The following LONRF2 variants were observed in gnomAD, a reference collection of about 807,000 sequenced individuals.
LONRF2 encodes LON peptidase N-terminal domain and ring finger 2, also known as LON peptidase N-terminal domain and RING finger protein 2.
In LONRF2, 35 loss-of-function variants were observed where a neutral mutation model predicts 66.6. That is an observed-to-expected ratio of 0.53 (90% CI 0.40 to 0.70). The LOEUF (loss-of-function observed/expected upper bound fraction) is 0.70. Among genes scored for constraint, LONRF2 ranks in the 30% least tolerant of loss-of-function variants. The pLI is 0.00. For missense variants in LONRF2, 902 were observed against 1,002.1 expected (o/e 0.90, Z 1.35); for synonymous variants, 417 against 418.1 (o/e 1.00, Z 0.03).
intron 1 of LONRF2, chr2:100,309,556 C>A: frequency 6.2e-6 from 1 of 162,350 alleles, no homozygotes; most frequent in East Asian, 1.7e-4. Context: ...ATAAATTCAG[C>A]AACTGCTGAA....
chr2:100,290,165 A>G, intron 10 of LONRF2, 93 bp downstream of exon 10: 1 of 1,180,936 alleles, frequency 8.5e-7, no homozygotes. Flanking sequence ...CTTAAGTAAT[A>G]TTGTCAGTAC....
intron 1 of LONRF2, among the ~76,000 whole-genome samples, chr2:100,310,341 T>C (rs1265218674): frequency 1.3e-5 from 2 of 152,352 alleles, no homozygotes; most frequent in East Asian, 3.9e-4. Flanking sequence ...CTATGCATTT[T>C]AGTTCAACCA....
chr2:100,321,528 T>G lies in LONRF2; in HGVS notation c.566A>C (p.Lys189Thr), dbSNP rs769285259. The G allele has an allele frequency of 6.4e-7, 1 of 1,552,132 alleles. No individual in the cohort carries two copies. Among genetic ancestry groups the G allele is most frequent in the Non-Finnish European group, 8.6e-7 (1 of 1,161,176 alleles). The change falls in exon 1 of 12, where the codon AAG becomes ACG. Residue 189 changes from lysine (K) to threonine (T), a missense_variant. Physicochemically the swap from Lys to Thr is moderately conservative, Grantham distance 78. Coordinates refer to ENST00000393437, the MANE Select transcript of LONRF2 (RefSeq NM_198461.4). The part of the protein sequence containing the change: ...VNVVLSGLLE[K>T]CFPAECRLRR... ...CAGCCGGCACTCGGCCGGGAAGCAC[T>G]TCTCCAGCAGGCCGCTCAGCACCAC...
At position 100,286,969 on chromosome 2, in the gene LONRF2, T is replaced by C; in HGVS notation, c.2015A>G (p.Lys672Arg). 1.2e-6 allele frequency: 2 copies of C among 1,614,174 alleles called. No individual in the cohort carries two copies. The highest frequency in any genetic ancestry group is 1.7e-6 in the Non-Finnish European group (2 of 1,180,020). Reference protein sequence around the residue: ...SWFASLQDRMKEQILSHFGVM... With the variant: ...SWFASLQDRMREQILSHFGVM... ...CCCAAAATGACTTAAAATTTGTTCT[T>C]TCATGCGATCCTGGAGAGACGCGAA... The change falls in exon 11 of 12, where the codon AAA (lysine) becomes AGA (arginine). Residue 672 changes from lysine to arginine, a missense_variant. Coordinates refer to ENST00000393437, the MANE Select transcript of LONRF2 (RefSeq NM_198461.4).
chr2:100,299,453 G>C lies in LONRF2; in HGVS notation c.1268-134C>G, dbSNP rs112819273. ...ATCACACTGGGCAGAAATAGTTCCT[G>C]CCCAGTTAACAGCATACAGCAATAA... On this transcript the variant is annotated intron_variant, in intron 5 of 11. Transcript: ENST00000393437. 2.8e-3 allele frequency: 1,714 copies of C among 611,278 alleles called. 21 individuals are homozygous for C. The African/African-American group carries it at 0.029, about 11-fold the overall frequency. 37.9% of individuals were successfully genotyped at this position (611,278 alleles called of 1,614,324 possible).
Position 100,321,489 on chromosome 2 carries a change from C to A in LONRF2, c.605G>T (p.Gly202Val). ...CTGGCGCTGCAGGCTCCGCGCCTGGCCTGCCAGCCTGCGCAGCCGGCACTC... is the reference window on the plus strand; with the variant it reads ...CTGGCGCTGCAGGCTCCGCGCCTGGACTGCCAGCCTGCGCAGCCGGCACTC... Reference protein sequence around the residue: ...PAECRLRRLAGQARSLQRQQQ... With the variant: ...PAECRLRRLAVQARSLQRQQQ... Residue 202 changes from glycine to valine, a missense_variant, in exon 1 of 12, where the codon GGC (glycine) becomes GTC (valine). Around this residue, in one of 2 missense-constraint regions of LONRF2, gnomAD observed 585 missense variants for 569.9 expected, o/e 1.03. Coordinates refer to ENST00000393437, the MANE Select transcript of LONRF2 (RefSeq NM_198461.4). The A allele has an allele frequency of 6.5e-7, 1 of 1,528,546 alleles. No homozygotes were observed. Among genetic ancestry groups the A allele is most frequent in the Non-Finnish European group, 8.7e-7 (1 of 1,150,062 alleles). 94.7% of individuals were successfully genotyped at this position (1,528,546 alleles called of 1,614,324 possible).
At chr2:100,311,163 C>T (rs1482050971) in intron 1 of LONRF2, among the ~76,000 whole-genome samples, 1 of 152,148 alleles carries the variant, frequency 6.6e-6, no homozygotes, top group African/African-American at 2.4e-5. Context: ...CTCACGGTAT[C>T]TGCCTTTTTA....
chr2:100,287,326 T>C (rs948469022), intron 10 of LONRF2, among the ~76,000 whole-genome samples: 2 of 152,256 alleles, frequency 1.3e-5, no homozygotes, highest in African/African-American at 2.4e-5. Flanking sequence ...AATGGCTGCA[T>C]GCAATTATAT....
At position 100,302,973 on chromosome 2, in the gene LONRF2, T is replaced by C. The variant is rs534568351; in HGVS notation, c.869A>G (p.Tyr290Cys). 14 of 1,612,242 alleles carry C rather than the reference T, an allele frequency of 8.7e-6. No homozygotes were observed. The African/African-American group carries it at 1.7e-4, about 20-fold the overall frequency. ...RSKEVLKEFL[Y>C]CLALNPECNS... The stretch of plus-strand genomic sequence containing the variant: ...ACATTCAGGATTCAGAGCAAGGCAG[T>C]AGAGAAATTCCTTTAACACTTCCTT... Residue 290 changes from tyrosine to cysteine, a missense_variant, in exon 3 of 12, where the codon TAC becomes TGC. Around this residue, in one of 2 missense-constraint regions of LONRF2, gnomAD observed 585 missense variants for 569.9 expected, o/e 1.03. Transcript: ENST00000393437.
At position 100,321,928 on chromosome 2, in the gene LONRF2, G is replaced by T; in HGVS notation, c.166C>A (p.Pro56Thr). 7.2e-7 allele frequency: 1 copy of T among 1,388,210 alleles called. No homozygotes were observed. Among genetic ancestry groups the T allele is most frequent in the Non-Finnish European group, 9.4e-7 (1 of 1,068,374 alleles). 86.0% of individuals were successfully genotyped at this position (1,388,210 alleles called of 1,614,324 possible). A position where few individuals can be genotyped will look rare whatever the true frequency, so the allele number is the denominator to read the frequency against. ...AGCCTCAGGCACAGGCCGCGGTCCG[G>T]CTGCGCCAGCCCGGCTAGCATGGAG... ...FRSMLAGLAQ[P>T]DRGLCLRLGD... is the part of the protein sequence containing the mutation. The change falls in exon 1 of 12, where the codon CCG (proline) becomes ACG (threonine). Residue 56 changes from proline to threonine, a missense_variant. Around this residue, in one of 2 missense-constraint regions of LONRF2, gnomAD observed 585 missense variants for 569.9 expected, o/e 1.03. Coordinates refer to ENST00000393437, the MANE Select transcript of LONRF2 (RefSeq NM_198461.4).
intron 1 of LONRF2, among the ~76,000 whole-genome samples, chr2:100,318,907 G>A (rs139596712): frequency 0.016 from 2,460 of 151,540 alleles, 19 homozygotes; most frequent in African/African-American, 0.029. Flanking sequence ...TGAGGCGGGC[G>A]GATCACAAGG....
At position 100,284,264 on chromosome 2, in the gene LONRF2, C is replaced by T; in HGVS notation, c.*34G>A. ...TCCATGCCTGACATTTATAAAAGCACAAGGGCTGCCAGAAACCTTGACAGA... is the reference window on the plus strand; with the variant it reads ...TCCATGCCTGACATTTATAAAAGCATAAGGGCTGCCAGAAACCTTGACAGA... On this transcript the variant is annotated 3_prime_UTR_variant, in exon 12 of 12. Coordinates refer to ENST00000393437, the MANE Select transcript of LONRF2 (RefSeq NM_198461.4). 6.8e-7 allele frequency: 1 copy of T among 1,465,428 alleles called. No individual in the cohort carries two copies. Among genetic ancestry groups the T allele is most frequent in the South Asian group, 1.4e-5 (1 of 70,514 alleles). The allele number at this position is 1,465,428 out of a possible 1,614,324, so 90.8% of individuals were successfully genotyped here.
rs533475806 is a variant in LONRF2, at chr2:100,290,098, C to T, written c.1920+160G>A. 4.1e-5 allele frequency among the ~76,000 whole-genome samples: 6 copies of T among 146,716 alleles called. No individual in the cohort carries two copies. In the East Asian group the frequency reaches 8.1e-4, roughly 20 times the overall value. ...CTCTAGCCTGCACGACAGAACAAGA[C>T]CTTGACTCAAAAATAAACAAATAGA... On this transcript the variant is annotated intron_variant, in intron 10 of 11. Transcript: ENST00000393437.
In LONRF2 at chr2:100,321,529, T is replaced by G; in HGVS notation, c.565A>C (p.Lys189Gln). ...VNVVLSGLLEKCFPAECRLRR... is the reference protein window; with the variant it reads ...VNVVLSGLLEQCFPAECRLRR... ...AGCCGGCACTCGGCCGGGAAGCACT[T>G]CTCCAGCAGGCCGCTCAGCACCACG... Residue 189 changes from lysine to glutamine, a missense_variant, in exon 1 of 12, where the codon AAG becomes CAG. Physicochemically the swap from Lys to Gln is moderately conservative, Grantham distance 53. Transcript: ENST00000393437. The G allele has an allele frequency of 6.4e-7, 1 of 1,552,098 alleles. No homozygotes were observed. Among genetic ancestry groups the G allele is most frequent in the Non-Finnish European group, 8.6e-7 (1 of 1,161,128 alleles).
chr2:100,273,853 T>C lies in LONRF2; in HGVS notation c.*10445A>G, dbSNP rs1674544419. ...CTAATGACACCACTCTCCACTAGCA[T>C]GAAAGAACAATATATGAATAGAGTA... On this transcript the variant is annotated 3_prime_UTR_variant, in exon 12 of 12. Transcript: ENST00000393437. 6.6e-6 allele frequency: 1 copy of C among 152,176 alleles called. No individual in the cohort carries two copies. Among genetic ancestry groups the C allele is most frequent in the Non-Finnish European group, 1.5e-5 (1 of 68,022 alleles). The allele number at this position is 152,176 out of a possible 1,614,324, so 9.4% of individuals were successfully genotyped here. A position where few individuals can be genotyped will look rare whatever the true frequency, so the allele number is the denominator to read the frequency against.
rs199976392 is a variant in LONRF2, at chr2:100,299,270, C to T, written c.1317G>A (p.Gly439=). The change falls in exon 6 of 12, where the codon GGG becomes GGA. Residue 439 remains glycine (G), a synonymous_variant. Transcript: ENST00000393437. ...SPNSETEESQ[G]LSLDVTDFEC... Reference sequence around the variant, plus strand: ...CAAAGTCAGTTACATCAAGCGAGAGCCCCTGACTTTCTTCTGTCTCAGAGT... The same window carrying T: ...CAAAGTCAGTTACATCAAGCGAGAGTCCCTGACTTTCTTCTGTCTCAGAGT... The T allele has an allele frequency of 1.3e-6, 2 of 1,594,820 alleles. No individual in the cohort carries two copies. The highest frequency in any genetic ancestry group is 1.7e-5 in the Admixed American group (1 of 57,628).
chr2:100,304,923 A>T (rs1186378932), intron 2 of LONRF2, among the ~76,000 whole-genome samples: 1 of 150,684 alleles, frequency 6.6e-6, no homozygotes, highest in Non-Finnish European at 1.5e-5. Flanking sequence ...GAGCCACTGC[A>T]CCCAGCCTCC....
chr2:100,288,384 G>A (rs1005897806), intron 10 of LONRF2, among the ~76,000 whole-genome samples: 12 of 152,182 alleles, frequency 7.9e-5, no homozygotes, highest in Non-Finnish European at 1.3e-4. Flanking sequence ...GGGTGGCTAC[G>A]TACCCTCACT....
Position 100,300,650 on chromosome 2 carries a change from G to A in LONRF2, c.1059C>T (p.Ser353=). The A allele has an allele frequency of 6.2e-7, 1 of 1,607,612 alleles. No individual in the cohort carries two copies. The highest frequency in any genetic ancestry group is 2.2e-5 in the East Asian group (1 of 44,812). Reference sequence around the variant, plus strand: ...AAATGCATGCACGTCATACCTCCGAGCTCCCTGCATCACCTTCTTCCAGCA... The same window carrying A: ...AAATGCATGCACGTCATACCTCCGAACTCCCTGCATCACCTTCTTCCAGCA... ...QALLEEGDAG[S]SENSSEKSDM... The change falls in exon 4 of 12, where the codon AGC becomes AGT. Residue 353 remains serine (S), a synonymous_variant. Coordinates refer to ENST00000393437, the MANE Select transcript of LONRF2 (RefSeq NM_198461.4).
Sources: gnomAD v4.1 joint callset for allele counts (sites outside exome capture counted in the v4.1 genomes callset) on GRCh38, gnomAD v4.1.1 for gene constraint, gnomAD v4.1.1 regional missense constraint, MANE v1.5 for transcripts, NCBI Gene and HGNC (gene_info 2026-07-23, HGNC 2026-07-21) for gene names.